The following GPHN variants were observed in gnomAD, a reference collection of about 807,000 sequenced individuals.
The protein encoded by GPHN is gephyrin.
Under a neutral mutation model 95.5 loss-of-function variants are expected in GPHN, and 17 were observed. The ratio of observed to expected loss-of-function variants is 0.18; its 90% CI spans 0.12 to 0.27. GPHN has a LOEUF of 0.27. Among genes scored for constraint, GPHN ranks in the 10% least tolerant of loss-of-function variants. The pLI, the probability that GPHN is intolerant of heterozygous loss-of-function variation, is 1.00. For synonymous variants in GPHN, 320 were observed against 322.5 expected (o/e 0.99, Z 0.08); for missense variants, 660 against 978.1 (o/e 0.67, Z 4.34).
chr14:67,063,089 A>T (rs2075890886), intron 11 of GPHN, among the ~76,000 whole-genome samples: 1 of 152,156 alleles, frequency 6.6e-6, no homozygotes, highest in Non-Finnish European at 1.5e-5. Context: ...TCTTGAATTA[A>T]TTTTTGTATA....
the GPHN span, among the ~76,000 whole-genome samples, chr14:67,205,610 G>A: frequency 3.9e-5 from 6 of 152,258 alleles, no homozygotes; most frequent in African/African-American, 1.4e-4. Flanking sequence ...GCCAGAGAGT[G>A]GAAAAACAGA....
chr14:67,669,293 G>A, the GPHN span, among the ~76,000 whole-genome samples: 3 of 147,550 alleles, frequency 2.0e-5, no homozygotes, highest in African/African-American at 5.0e-5. Flanking sequence ...TTTTTGAGAC[G>A]GAGTCTTGCT....
At chr14:67,291,963 G>C in the GPHN span, among the ~76,000 whole-genome samples, 2 of 152,134 alleles carry the variant, frequency 1.3e-5, no homozygotes, top group South Asian at 2.1e-4. Context: ...CAGAATCTCA[G>C]ACAAATTTAT....
At chr14:67,278,209 G>T in the GPHN span, among the ~76,000 whole-genome samples, 2 of 151,880 alleles carry the variant, frequency 1.3e-5, no homozygotes, top group Non-Finnish European at 2.9e-5. Context: ...GCTAGTTTTT[G>T]TATTTTTCTT....
intron 4 of GPHN, among the ~76,000 whole-genome samples, chr14:66,870,993 T>G (rs1010581546): frequency 6.6e-6 from 1 of 152,214 alleles, no homozygotes; most frequent in Non-Finnish European, 1.5e-5. Context: ...TAGATCACTC[T>G]CCAGTGGTCT....
intron 1 of GPHN, among the ~76,000 whole-genome samples, chr14:66,524,717 A>C (rs2058618299): frequency 6.6e-6 from 1 of 151,750 alleles, no homozygotes; most frequent in African/African-American, 2.4e-5. Flanking sequence ...CTCATTCTTC[A>C]ACTCCCACTT....
intron 1 of GPHN, among the ~76,000 whole-genome samples, chr14:66,511,091 A>G (rs1441655445): frequency 6.6e-6 from 1 of 152,190 alleles, no homozygotes; most frequent in Admixed American, 6.5e-5. Flanking sequence ...GATATTGTCT[A>G]CTATGATGGA....
At chr14:67,403,970 G>A in the GPHN span, among the ~76,000 whole-genome samples, 3 of 152,122 alleles carry the variant, frequency 2.0e-5, no homozygotes, top group South Asian at 2.1e-4. Flanking sequence ...GAAGGACCAC[G>A]TGAGCCTGGG....
the GPHN span, among the ~76,000 whole-genome samples, chr14:67,341,395 C>T: frequency 2.2e-4 from 33 of 151,648 alleles, no homozygotes; most frequent in East Asian, 3.9e-4. Context: ...CCCCTCCGCC[C>T]GGCAGCCGCC....
At chr14:67,096,263 C>G (rs188480483) in intron 12 of GPHN, among the ~76,000 whole-genome samples, 1 of 152,278 alleles carries the variant, frequency 6.6e-6, no homozygotes, top group Non-Finnish European at 1.5e-5. Context: ...GGTATACTTT[C>G]CCTGATAACA....
the GPHN span, among the ~76,000 whole-genome samples, chr14:67,395,763 T>C: frequency 6.6e-6 from 1 of 152,192 alleles, no homozygotes; most frequent in Admixed American, 6.5e-5. Context: ...GACAGGAAGC[T>C]TGCGGCCTCA....
chr14:66,563,834 A>G (rs1342373954), intron 1 of GPHN, among the ~76,000 whole-genome samples: 1 of 152,050 alleles, frequency 6.6e-6, no homozygotes. Context: ...GATGCTTATC[A>G]TTCTCTTAAG....
At chr14:66,649,734 C>T (rs2064945995) in intron 1 of GPHN, among the ~76,000 whole-genome samples, 1 of 152,146 alleles carries the variant, frequency 6.6e-6, no homozygotes, top group African/African-American at 2.4e-5. Flanking sequence ...AAATCAATTA[C>T]TTGCAGACTC....
At chr14:66,886,528 T>TA (rs1164248262) in intron 5 of GPHN, among the ~76,000 whole-genome samples, 1 of 149,756 alleles carries the variant, frequency 6.7e-6, no homozygotes, top group Non-Finnish European at 1.5e-5. Flanking sequence ...ATGTATCCTT[T>TA]AAAAAAATAA....
chr14:67,312,031 A>G, the GPHN span: 21 of 152,734 alleles, frequency 1.4e-4, no homozygotes, highest in Admixed American at 1.2e-3. Context: ...TACCTTTTCT[A>G]GTAGCTGTGG....
chr14:66,987,619 T>A (rs1278337471), intron 9 of GPHN, among the ~76,000 whole-genome samples: 1 of 152,046 alleles, frequency 6.6e-6, no homozygotes, highest in Non-Finnish European at 1.5e-5. Flanking sequence ...TTTAAATATC[T>A]TTACTCCATG....
At chr14:66,834,450 G>C (rs2061708720) in intron 4 of GPHN, among the ~76,000 whole-genome samples, 1 of 152,074 alleles carries the variant, frequency 6.6e-6, no homozygotes, top group Non-Finnish European at 1.5e-5. Context: ...AATTTATTGA[G>C]AGTTTTTAAT....
chr14:66,595,054 A>G (rs74965385), intron 1 of GPHN, among the ~76,000 whole-genome samples: 1,846 of 152,314 alleles, frequency 0.012, 23 homozygotes, highest in Non-Finnish European at 0.018. Flanking sequence ...AAAGTGATGA[A>G]CATTACTGAT....
At chr14:67,441,773 C>T in the GPHN span, 1 of 151,598 alleles carries the variant, frequency 6.6e-6, no homozygotes, top group Non-Finnish European at 1.5e-5. Flanking sequence ...ACCTGACTGT[C>T]CTTTGAGCGG....
Sources: gnomAD v4.1 joint callset for allele counts (sites outside exome capture counted in the v4.1 genomes callset) on GRCh38, gnomAD v4.1.1 for gene constraint, MANE v1.5 for transcripts, NCBI Gene and HGNC (gene_info 2026-07-23, HGNC 2026-07-21) for gene names.